The following GRID2 variants were observed in gnomAD, a reference collection of about 807,000 sequenced individuals.
GRID2 encodes glutamate ionotropic receptor delta type subunit 2.
A neutral mutation model predicts 114.8 loss-of-function variants in GRID2; 33 were observed. The observed-to-expected ratio is 0.29, with a 90% confidence interval of 0.22 to 0.38. GRID2 has a LOEUF of 0.38. GRID2 is among the 10% of genes least tolerant of loss of function. The pLI is 1.00. For missense variants in GRID2, 1,184 were observed against 1,257.7 expected (o/e 0.94, Z 0.89); for synonymous variants, 505 against 449.9 (o/e 1.12, Z -1.55).
At chr4:92,434,838 G>A (rs1181734995) in intron 1 of GRID2, among the ~76,000 whole-genome samples, 7 of 152,110 alleles carry the variant, frequency 4.6e-5, no homozygotes, top group Non-Finnish European at 2.9e-5. Context: ...CTGGATATGT[G>A]AGAAAATGCT....
intron 3 of GRID2, among the ~76,000 whole-genome samples, chr4:93,090,949 T>C (rs532625614): frequency 3.4e-4 from 52 of 152,254 alleles, no homozygotes; most frequent in African/African-American, 1.2e-3. Context: ...AGAGAGACTT[T>C]GTGAGAGTAG....
chr4:92,563,920 C>T (rs1727219458), intron 1 of GRID2, among the ~76,000 whole-genome samples: 1 of 152,000 alleles, frequency 6.6e-6, no homozygotes, highest in African/African-American at 2.4e-5. Flanking sequence ...TTACGCTGTT[C>T]CTTTCTCAAT....
chr4:92,977,560 G>C (rs1247643439), intron 2 of GRID2, among the ~76,000 whole-genome samples: 1 of 152,122 alleles, frequency 6.6e-6, no homozygotes, highest in Non-Finnish European at 1.5e-5. Context: ...ATCCTCTAAA[G>C]ATCTTTAAGC....
intron 2 of GRID2, among the ~76,000 whole-genome samples, chr4:92,737,398 C>T (rs368270259): frequency 2.6e-5 from 4 of 152,078 alleles, no homozygotes; most frequent in East Asian, 1.9e-4. Flanking sequence ...TTTTTTTAAG[C>T]GGTTCCTAAG....
intron 13 of GRID2, among the ~76,000 whole-genome samples, chr4:93,528,699 A>T (rs1337886677): frequency 1.3e-5 from 2 of 152,172 alleles, no homozygotes; most frequent in African/African-American, 4.8e-5. Flanking sequence ...TCTCAAAGAC[A>T]GAAGAGACCA....
intron 13 of GRID2, among the ~76,000 whole-genome samples, chr4:93,554,081 C>G (rs908593440): frequency 1.3e-5 from 2 of 152,160 alleles, no homozygotes; most frequent in Middle Eastern, 3.2e-3. Flanking sequence ...TAGTGAGATT[C>G]AGTCTCACTA....
chr4:93,656,556 C>T (rs1028934591), intron 14 of GRID2, among the ~76,000 whole-genome samples: 3 of 151,904 alleles, frequency 2.0e-5, no homozygotes, highest in African/African-American at 4.8e-5. Flanking sequence ...ATAGGCCGAG[C>T]GCGGTGGCTC....
chr4:93,286,861 T>A (rs1363701366), intron 8 of GRID2, among the ~76,000 whole-genome samples: 1 of 152,162 alleles, frequency 6.6e-6, no homozygotes, highest in Non-Finnish European at 1.5e-5. Context: ...TGAATGAAGT[T>A]CAGCATTCTT....
intron 8 of GRID2, among the ~76,000 whole-genome samples, chr4:93,375,892 T>A (rs1403697548): frequency 6.6e-6 from 1 of 152,154 alleles, no homozygotes; most frequent in African/African-American, 2.4e-5. Flanking sequence ...ACAGACCAAG[T>A]GGCTGAAACG....
At chr4:92,868,066 TTCTGTCTGTCTGTCTG>T (rs1194588659) in intron 2 of GRID2, among the ~76,000 whole-genome samples, 5 of 123,216 alleles carry the variant, frequency 4.1e-5, no homozygotes, top group African/African-American at 1.3e-4. Flanking sequence ...CTTTCTTTCT[TTCTGTCTGTCTGTCTG>T]TCTGTCTTTC....
chr4:93,027,567 C>G (rs1045206029), intron 2 of GRID2, among the ~76,000 whole-genome samples: 1 of 151,960 alleles, frequency 6.6e-6, no homozygotes, highest in African/African-American at 2.4e-5. Flanking sequence ...TGAGAATATT[C>G]AATAATTCAA....
chr4:93,152,547 C>T (rs1278457146), intron 4 of GRID2, among the ~76,000 whole-genome samples: 3 of 152,066 alleles, frequency 2.0e-5, no homozygotes, highest in African/African-American at 4.8e-5. Flanking sequence ...TGGATACATA[C>T]TGGTTAGCAT....
intron 2 of GRID2, among the ~76,000 whole-genome samples, chr4:92,595,498 A>G (rs536316307): frequency 6.6e-6 from 1 of 152,078 alleles, no homozygotes; most frequent in South Asian, 2.1e-4. Flanking sequence ...AGTCTGGTAG[A>G]CCTTACGACT....
downstream of GRID2, among the ~76,000 whole-genome samples, chr4:93,777,191 A>G (rs560469465): frequency 6.6e-6 from 1 of 152,364 alleles, no homozygotes; most frequent in Admixed American, 6.5e-5. Flanking sequence ...AGAGCTGCAC[A>G]GAGGCATGGA....
intron 7 of GRID2, among the ~76,000 whole-genome samples, chr4:93,235,318 G>A (rs1294112896): frequency 6.6e-6 from 1 of 152,024 alleles, no homozygotes; most frequent in Non-Finnish European, 1.5e-5. Flanking sequence ...GAAATTATCT[G>A]TATGTGTTAT....
intron 2 of GRID2, among the ~76,000 whole-genome samples, chr4:92,954,713 C>A (rs1450470322): frequency 6.9e-6 from 1 of 145,332 alleles, no homozygotes; most frequent in Non-Finnish European, 1.5e-5. Context: ...GCGCTGCACC[C>A]ACTAACTCGT....
At chr4:93,166,948 T>C (rs1738308512) in intron 4 of GRID2, among the ~76,000 whole-genome samples, 1 of 152,142 alleles carries the variant, frequency 6.6e-6, no homozygotes, top group Admixed American at 6.6e-5. Flanking sequence ...TTGTAGTCCA[T>C]TAAGTCAGGA....
intron 14 of GRID2, among the ~76,000 whole-genome samples, chr4:93,629,486 T>A (rs1468965830): frequency 6.6e-6 from 1 of 152,318 alleles, no homozygotes; most frequent in East Asian, 1.9e-4. Flanking sequence ...AATATTTGCA[T>A]TTGTTCCATT....
At chr4:93,078,999 A>G (rs1319848844) in intron 2 of GRID2, among the ~76,000 whole-genome samples, 1 of 150,232 alleles carries the variant, frequency 6.7e-6, no homozygotes, top group Non-Finnish European at 1.5e-5. Flanking sequence ...TATGTGTTCC[A>G]GCCTTGTCTC....
Sources: allele counts gnomAD v4.1 joint callset (sites outside exome capture counted in the v4.1 genomes callset), GRCh38; gene constraint gnomAD v4.1.1; transcripts MANE v1.5; gene names NCBI Gene and HGNC (gene_info 2026-07-23, HGNC 2026-07-21).